The following ZNF98 variants were observed in gnomAD, a reference collection of about 807,000 sequenced individuals.
The protein encoded by ZNF98 is zinc finger protein 98, also known as zinc finger protein 739.
Under a neutral mutation model 12.8 loss-of-function variants are expected in ZNF98, and 8 were observed. The observed-to-expected ratio is 0.63, with a 90% CI of 0.37 to 1.13. The LOEUF is 1.13. Ranked by LOEUF, ZNF98 falls within the 50% of genes most tolerant of loss-of-function variation. The pLI, the probability that ZNF98 is intolerant of heterozygous loss-of-function variation, is 0.01. For synonymous variants in ZNF98, 112 were observed against 223.5 expected (o/e 0.50, Z 4.45); for missense variants, 379 against 666.1 (o/e 0.57, Z 4.74).
At chr19:22,414,370 AC>A (rs1969617309) in intron 1 of ZNF98, among the ~76,000 whole-genome samples, 1 of 152,262 alleles carries the variant, frequency 6.6e-6, no homozygotes, top group Non-Finnish European at 1.5e-5. Context: ...AACTAAAAAA[AC>A]AAAACAAAAC....
At chr19:22,413,309 TAC>T (rs1292642574) in intron 1 of ZNF98, among the ~76,000 whole-genome samples, 1 of 152,102 alleles carries the variant, frequency 6.6e-6, no homozygotes, top group Admixed American at 6.6e-5. Context: ...TATTTCTGTT[TAC>T]AGATGACATA....
rs1453972766 is a variant in ZNF98, at chr19:22,413,806, T to C, written c.30+8389A>G. ...ATCGCTTGAACCCGGGAGGCAGAGGTTGTGGTGAGCAGAGATGGTGCCATT... is the reference window on the plus strand; with the variant it reads ...ATCGCTTGAACCCGGGAGGCAGAGGCTGTGGTGAGCAGAGATGGTGCCATT... On this transcript the variant is annotated intron_variant, in intron 1 of 3. Transcript: ENST00000357774. Among the ~76,000 whole-genome samples, 3 of 143,500 alleles carry C rather than the reference T, an allele frequency of 2.1e-5. No homozygotes were observed. In the Admixed American group the frequency reaches 2.1e-4, roughly 10 times the overall value. 94.1% of individuals were successfully genotyped at this position (143,500 alleles called of 152,430 possible).
intron 1 of ZNF98, among the ~76,000 whole-genome samples, chr19:22,413,813 G>A (rs375817502): frequency 8.5e-5 from 12 of 140,498 alleles, no homozygotes; most frequent in African/African-American, 3.2e-4. Context: ...AGGTTGTGGT[G>A]AGCAGAGATG....
intron 1 of ZNF98, among the ~76,000 whole-genome samples, chr19:22,420,321 T>C (rs1420773639): frequency 6.6e-6 from 1 of 152,224 alleles, no homozygotes; most frequent in Non-Finnish European, 1.5e-5. Context: ...GTGCCCCAAG[T>C]GTATTTTACT....
chr19:22,417,702 A>G (rs910099869), intron 1 of ZNF98, among the ~76,000 whole-genome samples: 2 of 152,168 alleles, frequency 1.3e-5, no homozygotes, highest in African/African-American at 4.8e-5. Context: ...GGAGACTTGT[A>G]GACACTTTTG....
In ZNF98 at chr19:22,404,833, T is replaced by C. The variant is rs1969502050; in HGVS notation, c.31-1321A>G. Reference sequence around the variant, plus strand: ...TTTTCAAAACTGTCTGGGTAATAAATGCCATCCCATTTAAGCAAGCATTTT... The same window carrying C: ...TTTTCAAAACTGTCTGGGTAATAAACGCCATCCCATTTAAGCAAGCATTTT... On this transcript the variant is annotated intron_variant, in intron 1 of 3. Transcript: ENST00000357774. Among the ~76,000 whole-genome samples the C allele has an allele frequency of 1.3e-5, 2 of 152,158 alleles. 1 individual carries two copies. Among genetic ancestry groups the C allele is most frequent in the Non-Finnish European group, 2.9e-5 (2 of 68,032 alleles).
In ZNF98 at chr19:22,401,468, G is replaced by A. The variant is rs1599385668; in HGVS notation, c.253+1321C>T. ...AAAAATAAATTTAAAAACATTTCAT[G>A]TCTATTGATTGAAAGAATTTTTTTT... On this transcript the variant is annotated intron_variant, in intron 3 of 3. Transcript: ENST00000357774. Among the ~76,000 whole-genome samples the A allele has an allele frequency of 2.0e-5, 3 of 150,178 alleles. No individual in the cohort carries two copies. In the South Asian group the frequency reaches 6.3e-4, roughly 31 times the overall value.
chr19:22,392,675 C>A lies in ZNF98; in HGVS notation c.560G>T (p.Cys187Phe). ...TGKKSFKCKE[C>F]EKSFCMLSHL... ...TGAAAGCATGCAAAATGACTTTTCA[C>A]ATTCTTTACACTTGAAAGATTTCTT... Residue 187 changes from cysteine to phenylalanine, a missense_variant, in exon 4 of 4, where the codon TGT (cysteine) becomes TTT (phenylalanine). Transcript: ENST00000357774. The A allele has an allele frequency of 6.3e-7, 1 of 1,594,958 alleles. No homozygotes were observed. The highest frequency in any genetic ancestry group is 8.6e-7 in the Non-Finnish European group (1 of 1,169,510).
Position 22,418,461 on chromosome 19 carries a change from T to C in ZNF98, c.30+3734A>G, listed in dbSNP as rs111533424. ...GATTAATAAAATTCTCTATCCTTTGTGTTCTCCAGAAACAGTTTATGGAAA... is the reference window on the plus strand; with the variant it reads ...GATTAATAAAATTCTCTATCCTTTGCGTTCTCCAGAAACAGTTTATGGAAA... On this transcript the variant is annotated intron_variant, in intron 1 of 3. Transcript: ENST00000357774. Among the ~76,000 whole-genome samples, 511 of 152,354 alleles carry C rather than the reference T, an allele frequency of 3.4e-3. 5 individuals are homozygous for C. Among genetic ancestry groups the C allele is most frequent in the African/African-American group, 0.012 (496 of 41,574 alleles).
chr19:22,399,548 G>A (rs1265956941), intron 3 of ZNF98, among the ~76,000 whole-genome samples: 1 of 152,124 alleles, frequency 6.6e-6, no homozygotes, highest in Non-Finnish European at 1.5e-5. Flanking sequence ...TCATATTTTA[G>A]GTACTAGCTG....
intron 3 of ZNF98, among the ~76,000 whole-genome samples, chr19:22,399,051 T>C (rs540340881): frequency 3.3e-5 from 5 of 152,296 alleles, no homozygotes; most frequent in African/African-American, 1.2e-4. Flanking sequence ...TTGCAAATTG[T>C]CTAAAATTGT....
intron 1 of ZNF98, among the ~76,000 whole-genome samples, chr19:22,416,733 CAA>C (rs1969648197): frequency 1.3e-5 from 2 of 151,832 alleles, no homozygotes; most frequent in South Asian, 2.1e-4. Flanking sequence ...GCCTGGGAGA[CAA>C]GAGAGAAGCT....
At chr19:22,401,432 T>C (rs959372948) in intron 3 of ZNF98, among the ~76,000 whole-genome samples, 1 of 152,012 alleles carries the variant, frequency 6.6e-6, no homozygotes, top group Non-Finnish European at 1.5e-5. Flanking sequence ...ACATCAATAA[T>C]TGGAGAAGAC....
In ZNF98 at chr19:22,422,264, A is replaced by T; in HGVS notation, c.-40T>A. ...CCCAATACCTGCAGGTCACAGGGCC[A>T]CAGAGGCTGGGCCTCTACGAGCAGA... On this transcript the variant is annotated 5_prime_UTR_variant, in exon 1 of 4. Coordinates refer to ENST00000357774, the MANE Select transcript of ZNF98 (RefSeq NM_001098626.2). The T allele has an allele frequency of 1.2e-6, 2 of 1,609,526 alleles. No homozygotes were observed. Among genetic ancestry groups the T allele is most frequent in the Non-Finnish European group, 1.7e-6 (2 of 1,177,024 alleles).
At chr19:22,402,189 A>G (rs1190884525) in intron 3 of ZNF98, among the ~76,000 whole-genome samples, 3 of 150,670 alleles carry the variant, frequency 2.0e-5, no homozygotes, top group South Asian at 4.2e-4. Context: ...AAAAAAAAAA[A>G]AAAAAAGAAA....
At chr19:22,395,000 CT>C (rs1321222230) in intron 3 of ZNF98, among the ~76,000 whole-genome samples, 1 of 151,812 alleles carries the variant, frequency 6.6e-6, no homozygotes, top group Admixed American at 6.6e-5. Context: ...TAGTGAAACC[CT>C]GTCTCTACTA....
chr19:22,404,305 G>A (rs1366981220), intron 1 of ZNF98, among the ~76,000 whole-genome samples: 1 of 152,146 alleles, frequency 6.6e-6, no homozygotes. Flanking sequence ...CATGTTTTTG[G>A]TCCAAGAAAA....
chr19:22,401,357 C>T (rs903688128), intron 3 of ZNF98, among the ~76,000 whole-genome samples: 23 of 151,842 alleles, frequency 1.5e-4, no homozygotes, highest in African/African-American at 5.6e-4. Flanking sequence ...TACAATAGCA[C>T]TAAAATAATA....
intron 1 of ZNF98, among the ~76,000 whole-genome samples, chr19:22,418,879 A>T (rs1969674097): frequency 6.6e-6 from 1 of 151,998 alleles, no homozygotes; most frequent in Non-Finnish European, 1.5e-5. Context: ...ACTCTGCCTC[A>T]AAAAAAAGCT....
Sources: gnomAD v4.1 joint callset for allele counts (sites outside exome capture counted in the v4.1 genomes callset) on GRCh38, gnomAD v4.1.1 for gene constraint, MANE v1.5 for transcripts, NCBI Gene and HGNC (gene_info 2026-07-23, HGNC 2026-07-21) for gene names.